Variants in CREB5 observed in about 807,000 individuals in gnomAD.
CREB5 encodes cAMP responsive element binding protein 5.
In CREB5, 19 loss-of-function variants were observed where a neutral mutation model predicts 57.1. The observed-to-expected ratio is 0.33, with a 90% CI of 0.23 to 0.49. The LOEUF is 0.49. Among genes scored for constraint, CREB5 ranks in the 20% least tolerant of loss-of-function variants. The probability of loss-of-function intolerance (pLI) is 0.99; values close to 1 mark genes in which losing one functional copy is unlikely to be tolerated. For synonymous variants in CREB5, 238 were observed against 238.3 expected, an observed-to-expected ratio of 1.00 and a Z score of 0.01; for missense variants, 579 against 671.6, an observed-to-expected ratio of 0.86 and a Z score of 1.52.
At chr7:28,354,722 T>G (rs1336175370) in intron 1 of CREB5, among the ~76,000 whole-genome samples, 1 of 152,142 alleles carries the variant, frequency 6.6e-6, no homozygotes, top group Non-Finnish European at 1.5e-5. Flanking sequence ...TCCCAGAGAC[T>G]TAAGAACCCA....
intron 6 of CREB5, among the ~76,000 whole-genome samples, chr7:28,724,016 G>C (rs958105805): frequency 1.6e-4 from 24 of 152,162 alleles, no homozygotes; most frequent in Admixed American, 1.5e-3. Flanking sequence ...GGGGCACCCT[G>C]TATAGAAGCA....
chr7:28,689,419 G>C (rs1801127892), intron 5 of CREB5, among the ~76,000 whole-genome samples: 1 of 152,160 alleles, frequency 6.6e-6, no homozygotes, highest in African/African-American at 2.4e-5. Context: ...AGTAAGCCGA[G>C]ATCGAGCCAC....
chr7:28,770,481 T>G (rs534049449), intron 7 of CREB5, among the ~76,000 whole-genome samples: 11 of 152,222 alleles, frequency 7.2e-5, no homozygotes, highest in African/African-American at 2.6e-4. Flanking sequence ...AGAATGGAAC[T>G]TTTTTTTATA....
chr7:28,485,861 C>T (rs533094036), intron 1 of CREB5, among the ~76,000 whole-genome samples: 2 of 152,194 alleles, frequency 1.3e-5, no homozygotes, highest in East Asian at 3.9e-4. Flanking sequence ...TTAGTAGTAC[C>T]TTCTCAGTAT....
intron 7 of CREB5, among the ~76,000 whole-genome samples, chr7:28,727,676 G>A (rs1193008144): frequency 1.3e-5 from 2 of 152,168 alleles, no homozygotes; most frequent in African/African-American, 4.8e-5. Context: ...AGCTAAATAA[G>A]CAGTGAGGGT....
intron 2 of CREB5, among the ~76,000 whole-genome samples, chr7:28,491,974 C>T (rs770462151): frequency 6.6e-5 from 10 of 152,086 alleles, no homozygotes; most frequent in Non-Finnish European, 5.9e-5. Context: ...GCCTATAATA[C>T]GTGGGAGGTT....
intron 4 of CREB5, among the ~76,000 whole-genome samples, chr7:28,527,682 A>C (rs1228448904): frequency 6.6e-6 from 1 of 152,158 alleles, no homozygotes; most frequent in African/African-American, 2.4e-5. Flanking sequence ...TTAGCCAGGC[A>C]TGGTGGTGCA....
intron 1 of CREB5, among the ~76,000 whole-genome samples, chr7:28,438,792 C>T (rs1321677295): frequency 6.6e-6 from 1 of 152,206 alleles, no homozygotes; most frequent in African/African-American, 2.4e-5. Context: ...GCCGTAAGTT[C>T]CCATCTGCTT....
intron 4 of CREB5, among the ~76,000 whole-genome samples, chr7:28,545,875 G>A (rs891602818): frequency 1.7e-4 from 26 of 152,018 alleles, no homozygotes; most frequent in African/African-American, 3.9e-4. Flanking sequence ...CTTTTTTCAC[G>A]CAACATCATT....
intron 7 of CREB5, among the ~76,000 whole-genome samples, chr7:28,748,232 T>C (rs910454155): frequency 1.3e-5 from 2 of 152,242 alleles, no homozygotes; most frequent in Admixed American, 6.5e-5. Flanking sequence ...TCATGGGTAC[T>C]GTATGCAAAT....
chr7:28,718,388 T>C (rs1802820574), intron 5 of CREB5, among the ~76,000 whole-genome samples: 1 of 152,162 alleles, frequency 6.6e-6, no homozygotes, highest in African/African-American at 2.4e-5. Context: ...TGTACATAGA[T>C]CTCAGGCTCT....
chr7:28,817,303 C>G (rs1010704849), intron 9 of CREB5, among the ~76,000 whole-genome samples: 1 of 152,192 alleles, frequency 6.6e-6, no homozygotes, highest in Non-Finnish European at 1.5e-5. Flanking sequence ...TTCCATACCT[C>G]CTGCTCAGTG....
intron 1 of CREB5, among the ~76,000 whole-genome samples, chr7:28,459,099 G>A (rs1269971888): frequency 6.6e-6 from 1 of 152,116 alleles, no homozygotes; most frequent in Admixed American, 6.6e-5. Context: ...CACCCATCCA[G>A]TGACCATCCA....
chr7:28,650,219 T>A (rs1799071619), intron 5 of CREB5, among the ~76,000 whole-genome samples: 1 of 152,220 alleles, frequency 6.6e-6, no homozygotes, highest in South Asian at 2.1e-4. Context: ...ACCTTCTTTG[T>A]GTCAGGTGCT....
chr7:28,411,264 C>T (rs1787786616), upstream of CREB5, among the ~76,000 whole-genome samples: 1 of 152,160 alleles, frequency 6.6e-6, no homozygotes, highest in Non-Finnish European at 1.5e-5. Context: ...TACGTAGTGC[C>T]TGCCCTTTAG....
At chr7:28,348,774 A>G (rs937184500) in intron 1 of CREB5, among the ~76,000 whole-genome samples, 1 of 152,160 alleles carries the variant, frequency 6.6e-6, no homozygotes, top group Non-Finnish European at 1.5e-5. Flanking sequence ...TACAGAACAA[A>G]GTGGTGCCAA....
At chr7:28,460,938 T>C (rs1790326493) in intron 1 of CREB5, among the ~76,000 whole-genome samples, 1 of 152,006 alleles carries the variant, frequency 6.6e-6, no homozygotes, top group Admixed American at 6.6e-5. Context: ...CTTGTGCCTA[T>C]AGTCCTAGCT....
At chr7:28,744,605 C>T (rs1446610972) in intron 7 of CREB5, among the ~76,000 whole-genome samples, 1 of 152,084 alleles carries the variant, frequency 6.6e-6, no homozygotes, top group Non-Finnish European at 1.5e-5. Flanking sequence ...GCCTCGGCCT[C>T]CCAAAGAGCT....
chr7:28,475,197 T>C (rs1209233624), intron 1 of CREB5, among the ~76,000 whole-genome samples: 2 of 151,338 alleles, frequency 1.3e-5, no homozygotes, highest in Non-Finnish European at 2.9e-5. Context: ...GATTATATTA[T>C]GACTTCCTTT....
Sources: allele counts gnomAD v4.1 joint callset (sites outside exome capture counted in the v4.1 genomes callset), GRCh38; gene constraint gnomAD v4.1.1; transcripts MANE v1.5; gene names NCBI Gene and HGNC (gene_info 2026-07-23, HGNC 2026-07-21).